The following PPP1R2 variants were observed in gnomAD, a reference collection of about 807,000 sequenced individuals.
PPP1R2 encodes protein phosphatase 1 regulatory inhibitor subunit 2.
PPP1R2 carries 16 observed loss-of-function variants against 29.9 expected under a neutral mutation model. The ratio of observed to expected loss-of-function variants is 0.53; its 90% CI spans 0.36 to 0.81. The LOEUF is 0.81. PPP1R2 is among the 30% of genes least tolerant of loss of function. The pLI is 0.00. For synonymous variants in PPP1R2, 76 were observed against 91.5 expected, an observed-to-expected ratio of 0.83 and a Z score of 0.96; for missense variants, 197 against 252.7, an observed-to-expected ratio of 0.78 and a Z score of 1.49.
intron 2 of PPP1R2, among the ~76,000 whole-genome samples, chr3:195,527,248 G>C (rs1719004954): frequency 6.6e-6 from 1 of 151,588 alleles, no homozygotes; most frequent in Non-Finnish European, 1.5e-5. Context: ...TCAGGAGTTT[G>C]AGATCAGCTT....
In PPP1R2 at chr3:195,516,703, C is replaced by T; in HGVS notation, c.*193G>A. 1.8e-6 allele frequency: 1 copy of T among 560,378 alleles called. No individual in the cohort carries two copies. The highest frequency in any genetic ancestry group is 3.2e-6 in the Non-Finnish European group (1 of 314,514). 34.7% of individuals were successfully genotyped at this position (560,378 alleles called of 1,614,324 possible). Reference sequence around the variant, plus strand: ...ACTGTATTTGTGGTAAAGTACTAGGCACAAGAATATATATATCGATTAGGC... The same window carrying T: ...ACTGTATTTGTGGTAAAGTACTAGGTACAAGAATATATATATCGATTAGGC... On this transcript the variant is annotated 3_prime_UTR_variant, in exon 6 of 6. Coordinates refer to ENST00000618156, the MANE Select transcript of PPP1R2 (RefSeq NM_006241.8).
intron 2 of PPP1R2, among the ~76,000 whole-genome samples, chr3:195,526,796 T>C (rs1367863999): frequency 6.6e-6 from 1 of 152,042 alleles, no homozygotes; most frequent in Non-Finnish European, 1.5e-5. Flanking sequence ...ACTTTTTTTA[T>C]TTGAGACAGA....
intron 1 of PPP1R2, among the ~76,000 whole-genome samples, chr3:195,541,417 TTACGTTAC>T (rs1276999677): frequency 6.6e-6 from 1 of 151,844 alleles, no homozygotes; most frequent in East Asian, 1.9e-4. Context: ...CCTTCTGTAG[TTACGTTAC>T]TTATCTTTTA....
intron 4 of PPP1R2, chr3:195,523,026 A>G (rs943578679): frequency 2.6e-5 from 4 of 152,272 alleles, no homozygotes; most frequent in African/African-American, 9.6e-5. Context: ...ATTCACATGA[A>G]TCAAAAAGTA....
intron 4 of PPP1R2, among the ~76,000 whole-genome samples, chr3:195,522,754 A>G (rs1718809473): frequency 6.6e-6 from 1 of 152,232 alleles, no homozygotes; most frequent in East Asian, 1.9e-4. Flanking sequence ...TGAAGATGAT[A>G]GGAAAGACTA....
At chr3:195,542,118 T>C (rs2108957634) in intron 1 of PPP1R2, among the ~76,000 whole-genome samples, 1 of 152,324 alleles carries the variant, frequency 6.6e-6, no homozygotes, top group East Asian at 1.9e-4. Context: ...GATACTGTAC[T>C]GCAACATTTT....
chr3:195,518,443 A>G (rs907687220), intron 5 of PPP1R2, among the ~76,000 whole-genome samples: 1 of 151,826 alleles, frequency 6.6e-6, no homozygotes, highest in Admixed American at 6.6e-5. Context: ...CAAGGTCAGG[A>G]GATTGGGACC....
intron 1 of PPP1R2, among the ~76,000 whole-genome samples, chr3:195,533,457 T>C (rs1446665672): frequency 6.6e-6 from 1 of 152,202 alleles, no homozygotes; most frequent in Non-Finnish European, 1.5e-5. Flanking sequence ...TTTTTGAGTA[T>C]TTTTTATCCT....
chr3:195,536,683 G>C (rs994856031), intron 1 of PPP1R2, among the ~76,000 whole-genome samples: 8 of 151,798 alleles, frequency 5.3e-5, no homozygotes, highest in African/African-American at 1.9e-4. Context: ...AGCTACTCAG[G>C]GGGCTGAGGC....
At chr3:195,518,914 C>T (rs1441438227) in intron 5 of PPP1R2, 104 bp downstream of exon 5, 1 of 1,522,430 alleles carries the variant, frequency 6.6e-7, no homozygotes, top group Non-Finnish European at 8.8e-7. Flanking sequence ...AAGCGAATCT[C>T]AGCAAAATTT....
intron 5 of PPP1R2, among the ~76,000 whole-genome samples, chr3:195,518,142 A>G (rs1385568281): frequency 6.6e-6 from 1 of 152,218 alleles, no homozygotes; most frequent in Non-Finnish European, 1.5e-5. Flanking sequence ...TTCATTAAAT[A>G]CCAGAGTAAC....
chr3:195,533,766 G>A (rs1421896567), intron 1 of PPP1R2, among the ~76,000 whole-genome samples: 5 of 152,122 alleles, frequency 3.3e-5, no homozygotes, highest in South Asian at 2.1e-4. Flanking sequence ...TTGTATTGCC[G>A]ATGCATCTTT....
intron 4 of PPP1R2, among the ~76,000 whole-genome samples, chr3:195,520,801 G>A (rs1362058802): frequency 6.6e-6 from 1 of 151,542 alleles, no homozygotes; most frequent in Non-Finnish European, 1.5e-5. Context: ...CTACAGATGC[G>A]TGCCACCACA....
chr3:195,527,986 T>C (rs929615451), intron 2 of PPP1R2: 3 of 312,066 alleles, frequency 9.6e-6, no homozygotes, highest in African/African-American at 6.7e-5. Flanking sequence ...TTATTGTTTT[T>C]CTTCCCCTCA....
chr3:195,521,505 C>T (rs1462114677), intron 4 of PPP1R2, among the ~76,000 whole-genome samples: 1 of 151,410 alleles, frequency 6.6e-6, no homozygotes, highest in Non-Finnish European at 1.5e-5. Context: ...TTCAATGTTT[C>T]TTTTGGTTTG....
chr3:195,517,334 G>T (rs1718582652), intron 5 of PPP1R2, among the ~76,000 whole-genome samples: 1 of 152,090 alleles, frequency 6.6e-6, no homozygotes, highest in South Asian at 2.1e-4. Context: ...GGGAGGAAAG[G>T]GGGAAGGGAG....
chr3:195,522,406 GAATT>G (rs936421774), intron 4 of PPP1R2, among the ~76,000 whole-genome samples: 52 of 152,236 alleles, frequency 3.4e-4, no homozygotes, highest in African/African-American at 1.2e-3. Flanking sequence ...AGTGGAAAAT[GAATT>G]AATGAAATTA....
intron 1 of PPP1R2, among the ~76,000 whole-genome samples, chr3:195,537,374 A>G (rs921641058): frequency 6.6e-6 from 1 of 152,152 alleles, no homozygotes; most frequent in Non-Finnish European, 1.5e-5. Context: ...AAAGTTTATT[A>G]AGAACTTTAT....
chr3:195,526,450 T>A (rs1031308189), intron 2 of PPP1R2, among the ~76,000 whole-genome samples: 2 of 152,048 alleles, frequency 1.3e-5, no homozygotes, highest in Non-Finnish European at 2.9e-5. Context: ...ATGATAAAAC[T>A]GAGCAGTGAA....
Sources: gnomAD v4.1 joint callset for allele counts (sites outside exome capture counted in the v4.1 genomes callset) on GRCh38, gnomAD v4.1.1 for gene constraint, MANE v1.5 for transcripts, NCBI Gene and HGNC (gene_info 2026-07-23, HGNC 2026-07-21) for gene names.